SORCS2: variants seen among roughly 807,000 people sequenced by gnomAD.
SORCS2 encodes VPS10 domain-containing receptor SorCS2.
In SORCS2, 100 loss-of-function variants were observed where a neutral mutation model predicts 141.6. The ratio of observed to expected loss-of-function variants is 0.71; its 90% CI spans 0.60 to 0.83. SORCS2 has a LOEUF of 0.83. SORCS2 is among the 40% of genes least tolerant of loss of function. The pLI, the probability that SORCS2 is intolerant of heterozygous loss-of-function variation, is 0.00. For missense variants in SORCS2, 1,646 were observed against 1,560.2 expected (o/e 1.05, Z -0.93); for synonymous variants, 789 against 676.9 (o/e 1.17, Z -2.57).
intron 1 of SORCS2, among the ~76,000 whole-genome samples, chr4:7,294,684 C>T: frequency 7.5e-6 from 1 of 133,976 alleles, no homozygotes; most frequent in Non-Finnish European, 1.6e-5. Flanking sequence ...CCTCCTCCTC[C>T]TCCCCCTCAT....
At position 7,396,758 on chromosome 4, in the gene SORCS2, G is replaced by A. The variant is rs76754592; in HGVS notation, c.548+403G>A. ...GGCTCTGATTATCCTCATTGTTTGG[G>A]CGTTTTTCTTTCTTCCAGGCTTAGC... On this transcript the variant is annotated intron_variant, in intron 2 of 26. Coordinates refer to ENST00000507866, the MANE Select transcript of SORCS2 (RefSeq NM_020777.3). 4.9e-4 allele frequency among the ~76,000 whole-genome samples: 74 copies of A among 152,274 alleles called. No homozygotes were observed. The East Asian group carries it at 0.013, about 27-fold the overall frequency.
chr4:7,733,644 G>A (rs899943838), intron 24 of SORCS2, among the ~76,000 whole-genome samples: 17 of 152,198 alleles, frequency 1.1e-4, no homozygotes, highest in African/African-American at 3.9e-4. Flanking sequence ...CACGCTTCGG[G>A]TCTCGGATAA....
intron 23 of SORCS2, among the ~76,000 whole-genome samples, chr4:7,730,448 A>G (rs559483633): frequency 1.3e-5 from 2 of 152,350 alleles, no homozygotes; most frequent in East Asian, 3.9e-4. Context: ...ATACATCCAC[A>G]GTACATGGAT....
chr4:7,738,590 C>T (rs557057184), intron 26 of SORCS2, among the ~76,000 whole-genome samples: 26 of 152,272 alleles, frequency 1.7e-4, no homozygotes, highest in South Asian at 6.2e-4. Context: ...GAGCAGAGAA[C>T]GGCACACAGG....
At chr4:7,700,664 G>C (rs1185322897) in intron 12 of SORCS2, among the ~76,000 whole-genome samples, 2 of 152,212 alleles carry the variant, frequency 1.3e-5, no homozygotes, top group Non-Finnish European at 2.9e-5. Flanking sequence ...GCTAGCATTA[G>C]GACAGAGGAT....
Position 7,201,473 on chromosome 4 carries a change from A to G in SORCS2, c.480+8347A>G, listed in dbSNP as rs531547405. On this transcript the variant is annotated intron_variant, in intron 1 of 26. Transcript: ENST00000507866. The surrounding 1 kb of genome is among the most constrained non-coding windows in gnomAD (Gnocchi z 4.4). Reference sequence around the variant, plus strand: ...CGCCCCTCAGATGAGAAGGCAGCCCAGAGCTTGCGTGGGCCTCTCGGCGTA... The same window carrying G: ...CGCCCCTCAGATGAGAAGGCAGCCCGGAGCTTGCGTGGGCCTCTCGGCGTA... 6.6e-6 allele frequency among the ~76,000 whole-genome samples: 1 copy of G among 152,338 alleles called. No individual in the cohort carries two copies. Among genetic ancestry groups the G allele is most frequent in the African/African-American group, 2.4e-5 (1 of 41,582 alleles).
chr4:7,427,439 T>C (rs1046224658), intron 2 of SORCS2, among the ~76,000 whole-genome samples: 22 of 152,054 alleles, frequency 1.4e-4, no homozygotes, highest in African/African-American at 5.3e-4. Context: ...GCTTCAGCAG[T>C]GGGAGGATGG....
rs143312573 is a variant in SORCS2 at position 7,573,661 on chromosome 4, G to C, written c.648+42032G>C. 4.9e-4 allele frequency among the ~76,000 whole-genome samples: 75 copies of C among 152,316 alleles called. No individual in the cohort carries two copies. The East Asian group carries it at 0.014, about 27-fold the overall frequency. ...GCCCCCTGAGTAGCTGGGATTACAG[G>C]CATGCACCACCGCACTCTGCTTTAA... On this transcript the variant is annotated intron_variant, in intron 3 of 26. Transcript: ENST00000507866.
rs1726683723 is a variant in SORCS2, at chr4:7,429,567, C to T, written c.548+33212C>T. ...AGGCTAGCTGGAAGAACAGAAAAGA[C>T]AGAGGTGTCATGGAAGGACTTGCCT... On this transcript the variant is annotated intron_variant, in intron 2 of 26. Coordinates refer to ENST00000507866, the MANE Select transcript of SORCS2 (RefSeq NM_020777.3). 2.0e-5 allele frequency among the ~76,000 whole-genome samples: 3 copies of T among 152,228 alleles called. No homozygotes were observed. In the South Asian group the frequency reaches 6.2e-4, roughly 31 times the overall value.
At chr4:7,433,403 G>C in intron 2 of SORCS2, 1 of 1,505,280 alleles carries the variant, frequency 6.6e-7, no homozygotes, top group Non-Finnish European at 8.9e-7. Flanking sequence ...GCGGCCTCCT[G>C]GCTCCTGCAC....
At chr4:7,594,913 A>G (rs755633210) in intron 3 of SORCS2, among the ~76,000 whole-genome samples, 1 of 152,148 alleles carries the variant, frequency 6.6e-6, no homozygotes, top group Non-Finnish European at 1.5e-5. Flanking sequence ...GCGTTTACTC[A>G]CAACACTCTG....
intron 5 of SORCS2, among the ~76,000 whole-genome samples, chr4:7,661,292 AC>A (rs1218858635): frequency 6.6e-6 from 1 of 150,984 alleles, no homozygotes; most frequent in African/African-American, 2.4e-5. Flanking sequence ...AGAGACTCCA[AC>A]CCCCTCAGCT....
intron 2 of SORCS2, among the ~76,000 whole-genome samples, chr4:7,399,390 A>G (rs1724424497): frequency 6.6e-6 from 1 of 152,232 alleles, no homozygotes; most frequent in Non-Finnish European, 1.5e-5. Flanking sequence ...GTGTAATTGC[A>G]ATAAATACAC....
chr4:7,708,120 G>T (rs754256214), intron 14 of SORCS2, among the ~76,000 whole-genome samples: 1 of 152,226 alleles, frequency 6.6e-6, no homozygotes, highest in Non-Finnish European at 1.5e-5. Context: ...GGGCTTCCTT[G>T]TCTGTAGCAT....
rs530278640 is a variant in SORCS2 at position 7,740,352 on chromosome 4, G to A, written c.*88G>A. The A allele has an allele frequency of 1.6e-6, 2 of 1,235,482 alleles. No homozygotes were observed. The highest frequency in any genetic ancestry group is 3.0e-5 in the African/African-American group (2 of 67,074). 76.5% of individuals were successfully genotyped at this position (1,235,482 alleles called of 1,614,324 possible). A position where few individuals can be genotyped will look rare whatever the true frequency, so the allele number is the denominator to read the frequency against. On this transcript the variant is annotated 3_prime_UTR_variant, in exon 27 of 27. Coordinates refer to ENST00000507866, the MANE Select transcript of SORCS2 (RefSeq NM_020777.3). ...CTGGACTGGCGCCCCTCAGAGACCT[G>A]CGGAAAGCCCCCTCCCTGAGTCGTC...
At chr4:7,434,117 C>T (rs1006844615) in intron 2 of SORCS2, 1 of 1,612,638 alleles carries the variant, frequency 6.2e-7, no homozygotes, top group African/African-American at 1.3e-5. Flanking sequence ...CCTAGCTCCT[C>T]ACAGAATCCC....
At chr4:7,624,616 T>A (rs1263268467) in intron 3 of SORCS2, among the ~76,000 whole-genome samples, 1 of 152,230 alleles carries the variant, frequency 6.6e-6, no homozygotes, top group Non-Finnish European at 1.5e-5. Context: ...ACAAAGCTAC[T>A]GAGATACATT....
rs910854816 is a variant in SORCS2 at position 7,491,472 on chromosome 4, A to T, written c.549-40058A>T. On this transcript the variant is annotated intron_variant, in intron 2 of 26. Coordinates refer to ENST00000507866, the MANE Select transcript of SORCS2 (RefSeq NM_020777.3). ...GCACTTTTCATGCTGGTGTCCCCAG[A>T]TGCCCAGGCACCAGCACGCGGCATG... Among the ~76,000 whole-genome samples the T allele has an allele frequency of 2.6e-5, 4 of 152,228 alleles. No individual in the cohort carries two copies. In the South Asian group the frequency reaches 8.3e-4, roughly 31 times the overall value.
At chr4:7,630,279 C>A (rs1719801803) in intron 3 of SORCS2, among the ~76,000 whole-genome samples, 1 of 152,128 alleles carries the variant, frequency 6.6e-6, no homozygotes, top group Non-Finnish European at 1.5e-5. Flanking sequence ...CCCAGGAGCA[C>A]CTGGGAGACC....
Sources: gnomAD v4.1 joint callset for allele counts (sites outside exome capture counted in the v4.1 genomes callset) on GRCh38, gnomAD v4.1.1 for gene constraint, Gnocchi (gnomAD v3.1) non-coding constraint, MANE v1.5 for transcripts, NCBI Gene and HGNC (gene_info 2026-07-23, HGNC 2026-07-21) for gene names.